Variants in MSRA observed in about 807,000 individuals in gnomAD.
MSRA encodes mitochondrial peptide methionine sulfoxide reductase.
Under a neutral mutation model 31.3 loss-of-function variants are expected in MSRA, and 54 were observed. The observed-to-expected ratio is 1.73, with a 90% confidence interval of 1.39 to 2.17. The LOEUF (loss-of-function observed/expected upper bound fraction) is 2.17. MSRA is among the 30% of genes most tolerant of loss of function. The pLI, the probability that MSRA is intolerant of heterozygous loss-of-function variation, is 0.00. For missense variants in MSRA, 507 were observed against 300.9 expected (o/e 1.69, Z -5.07); for synonymous variants, 169 against 116.5 (o/e 1.45, Z -2.90).
chr8:10,218,796 T>TGG (rs1476058177), intron 2 of MSRA, among the ~76,000 whole-genome samples: 2 of 152,228 alleles, frequency 1.3e-5, no homozygotes, highest in Non-Finnish European at 2.9e-5. Flanking sequence ...GAATGACCAT[T>TGG]TTCACTTGGG....
At chr8:10,330,412 A>G (rs1039074237) in intron 5 of MSRA, among the ~76,000 whole-genome samples, 10 of 152,342 alleles carry the variant, frequency 6.6e-5, no homozygotes, top group African/African-American at 2.2e-4. Flanking sequence ...AGCAAGAGGT[A>G]TATACAGATC....
intron 1 of MSRA, among the ~76,000 whole-genome samples, chr8:10,072,256 C>T (rs1351420827): frequency 6.6e-6 from 1 of 151,912 alleles, no homozygotes; most frequent in Non-Finnish European, 1.5e-5. Flanking sequence ...ATTCTTAGGC[C>T]ACTGAGTGGG....
At chr8:10,314,204 C>G (rs978813664) in intron 4 of MSRA, among the ~76,000 whole-genome samples, 1 of 150,916 alleles carries the variant, frequency 6.6e-6, no homozygotes, top group Non-Finnish European at 1.5e-5. Flanking sequence ...AAAGAAAATG[C>G]CAAGAACAGA....
chr8:10,082,946 C>A (rs563180645), intron 1 of MSRA, among the ~76,000 whole-genome samples: 1 of 152,344 alleles, frequency 6.6e-6, no homozygotes, highest in Non-Finnish European at 1.5e-5. Flanking sequence ...TTAATAATCT[C>A]AGCTCTTAAG....
At chr8:10,105,847 C>G (rs1799844975) in intron 1 of MSRA, among the ~76,000 whole-genome samples, 1 of 152,184 alleles carries the variant, frequency 6.6e-6, no homozygotes. Context: ...CTAAACAAAA[C>G]CCACCTAATC....
chr8:10,279,683 A>C (rs909662856), intron 3 of MSRA, among the ~76,000 whole-genome samples: 5 of 152,260 alleles, frequency 3.3e-5, no homozygotes, highest in Admixed American at 6.5e-5. Flanking sequence ...GTTGAAGCTA[A>C]CACCTAGAAG....
At chr8:10,424,047 T>C (rs1344142002) in intron 5 of MSRA, among the ~76,000 whole-genome samples, 3 of 152,220 alleles carry the variant, frequency 2.0e-5, no homozygotes, top group African/African-American at 4.8e-5. Context: ...ATCAGCGCTG[T>C]CGGGCATTGC....
At chr8:10,178,553 C>A (rs1178881372) in intron 1 of MSRA, among the ~76,000 whole-genome samples, 1 of 152,126 alleles carries the variant, frequency 6.6e-6, no homozygotes. Flanking sequence ...GTTATAAGTG[C>A]AGCGATGAAG....
chr8:10,315,104 G>T (rs916125639), intron 4 of MSRA, among the ~76,000 whole-genome samples: 2 of 152,044 alleles, frequency 1.3e-5, no homozygotes, highest in African/African-American at 2.4e-5. Context: ...AAAACCATCA[G>T]ATCTCATGAG....
intron 1 of MSRA, among the ~76,000 whole-genome samples, chr8:10,114,494 A>G (rs1054727421): frequency 2.0e-5 from 2 of 99,446 alleles, no homozygotes; most frequent in African/African-American, 6.8e-5. Flanking sequence ...CCTTGCCAAC[A>G]CTTGTTATTA....
intron 1 of MSRA, among the ~76,000 whole-genome samples, chr8:10,065,804 A>C (rs1018599833): frequency 6.6e-6 from 1 of 152,074 alleles, no homozygotes; most frequent in Non-Finnish European, 1.5e-5. Flanking sequence ...TGTTTACTTT[A>C]TGTGTTGTTT....
chr8:10,152,260 T>C (rs1341035392), intron 1 of MSRA, among the ~76,000 whole-genome samples: 1 of 152,222 alleles, frequency 6.6e-6, no homozygotes, highest in African/African-American at 2.4e-5. Flanking sequence ...TATAAACACA[T>C]GTATACGTAT....
intron 1 of MSRA, among the ~76,000 whole-genome samples, chr8:10,076,720 A>G (rs993141655): frequency 6.6e-6 from 1 of 152,062 alleles, no homozygotes; most frequent in South Asian, 2.1e-4. Flanking sequence ...CTGGCTCTGT[A>G]GTGCCTCCCG....
intron 5 of MSRA, among the ~76,000 whole-genome samples, chr8:10,414,406 C>A (rs1278616612): frequency 1.3e-5 from 2 of 152,166 alleles, no homozygotes; most frequent in Non-Finnish European, 2.9e-5. Context: ...ACAAATGCCT[C>A]CAACCATTCT....
intron 5 of MSRA, among the ~76,000 whole-genome samples, chr8:10,382,313 C>G (rs945641792): frequency 6.6e-6 from 1 of 152,178 alleles, no homozygotes; most frequent in African/African-American, 2.4e-5. Context: ...TCCTGCACTG[C>G]GGCTCTCTTG....
intron 3 of MSRA, among the ~76,000 whole-genome samples, chr8:10,285,466 C>G (rs1799883449): frequency 6.6e-6 from 1 of 152,136 alleles, no homozygotes. Flanking sequence ...TATCCATCAC[C>G]TCAGACGTTT....
chr8:10,410,531 C>T (rs1468145512), intron 5 of MSRA, among the ~76,000 whole-genome samples: 1 of 152,236 alleles, frequency 6.6e-6, no homozygotes, highest in Non-Finnish European at 1.5e-5. Context: ...TACATGATTT[C>T]ACCTCTTCCT....
chr8:10,268,623 G>C (rs1421394970), intron 3 of MSRA, among the ~76,000 whole-genome samples: 4 of 152,168 alleles, frequency 2.6e-5, no homozygotes, highest in Non-Finnish European at 4.4e-5. Context: ...AATCAAACAA[G>C]TTCACACCAT....
At chr8:10,254,978 C>G (rs1049755548) in intron 3 of MSRA, among the ~76,000 whole-genome samples, 5 of 152,170 alleles carry the variant, frequency 3.3e-5, no homozygotes, top group Non-Finnish European at 7.3e-5. Context: ...TTGTTTGAAA[C>G]TTTTATTAGG....
Sources: gnomAD v4.1 joint callset for allele counts (sites outside exome capture counted in the v4.1 genomes callset) on GRCh38, gnomAD v4.1.1 for gene constraint, MANE v1.5 for transcripts, NCBI Gene and HGNC (gene_info 2026-07-23, HGNC 2026-07-21) for gene names.